Variants in TAFA4 observed in about 807,000 individuals in gnomAD.
TAFA4 encodes TAFA chemokine like family member 4.
A neutral mutation model predicts 21.1 loss-of-function variants in TAFA4; 20 were observed. The observed-to-expected ratio is 0.95, with a 90% confidence interval of 0.67 to 1.38. TAFA4 has a LOEUF of 1.38. Among genes scored for constraint, TAFA4 ranks in the 40% most tolerant of loss-of-function variants. The pLI, the probability that TAFA4 is intolerant of heterozygous loss-of-function variation, is 0.00. For missense variants in TAFA4, 211 were observed against 180.9 expected (o/e 1.17, Z -0.95); for synonymous variants, 71 against 67.4 (o/e 1.05, Z -0.26).
At chr3:68,873,912 C>T (rs557199584) in intron 3 of TAFA4, among the ~76,000 whole-genome samples, 1 of 152,160 alleles carries the variant, frequency 6.6e-6, no homozygotes, top group Non-Finnish European at 1.5e-5. Context: ...ATTCCCAGCC[C>T]TTTCCCAGGT....
In TAFA4 at chr3:68,897,738, C is replaced by T. The variant is rs188986924; in HGVS notation, c.-122-12428G>A. 2.1e-3 allele frequency among the ~76,000 whole-genome samples: 319 copies of T among 152,196 alleles called. 1 individual carries two copies. Among genetic ancestry groups the T allele is most frequent in the Non-Finnish European group, 3.7e-3 (252 of 68,020 alleles). On this transcript the variant is annotated intron_variant, in intron 1 of 5. Transcript: ENST00000295569. The stretch of plus-strand genomic sequence containing the variant: ...ATACACAAATAAATGAATATATCAA[C>T]AAGACACCACACACTAACCGGTCCA...
intron 3 of TAFA4, among the ~76,000 whole-genome samples, chr3:68,797,266 A>G (rs1436951179): frequency 6.6e-6 from 1 of 152,176 alleles, no homozygotes; most frequent in African/African-American, 2.4e-5. Flanking sequence ...TCAACCAATG[A>G]ATGAATAAAC....
At chr3:68,899,467 G>A (rs185809794) in intron 1 of TAFA4, among the ~76,000 whole-genome samples, 1 of 151,674 alleles carries the variant, frequency 6.6e-6, no homozygotes, top group Non-Finnish European at 1.5e-5. Flanking sequence ...TTCTTCCATG[G>A]TTTGACATCA....
intron 5 of TAFA4, among the ~76,000 whole-genome samples, chr3:68,733,759 C>T (rs746460488): frequency 6.6e-6 from 1 of 152,098 alleles, no homozygotes; most frequent in Non-Finnish European, 1.5e-5. Context: ...AAGCATAAGA[C>T]TTTAACATGC....
intron 1 of TAFA4, among the ~76,000 whole-genome samples, chr3:68,894,368 C>T (rs2089762908): frequency 1.3e-5 from 2 of 152,134 alleles, no homozygotes; most frequent in Non-Finnish European, 2.9e-5. Context: ...CCATGTTGCC[C>T]AGGCTGGTCT....
intron 5 of TAFA4, among the ~76,000 whole-genome samples, chr3:68,736,226 G>C (rs1407580667): frequency 6.6e-6 from 1 of 151,618 alleles, no homozygotes; most frequent in Non-Finnish European, 1.5e-5. Context: ...AAACTCTTTA[G>C]CTCACCGAAT....
chr3:68,805,179 C>T (rs966446943), intron 3 of TAFA4, among the ~76,000 whole-genome samples: 6 of 152,264 alleles, frequency 3.9e-5, no homozygotes, highest in South Asian at 2.1e-4. Flanking sequence ...AAGACATTTA[C>T]ACAGCCAAAA....
chr3:68,742,840 A>G (rs1192683959), intron 4 of TAFA4, among the ~76,000 whole-genome samples: 1 of 152,216 alleles, frequency 6.6e-6, no homozygotes, highest in Non-Finnish European at 1.5e-5. Context: ...CAAGCTCTTG[A>G]AGAGAGGCAG....
intron 3 of TAFA4, among the ~76,000 whole-genome samples, chr3:68,812,954 A>C (rs1309035766): frequency 6.6e-6 from 1 of 152,200 alleles, no homozygotes. Flanking sequence ...ATGTAAAAGA[A>C]CAGAAATTAT....
chr3:68,818,322 A>T (rs1198034081), intron 3 of TAFA4, among the ~76,000 whole-genome samples: 1 of 152,176 alleles, frequency 6.6e-6, no homozygotes, highest in East Asian at 1.9e-4. Flanking sequence ...TAGAGTGTTG[A>T]GGCTGGTTTG....
chr3:68,913,439 C>G (rs1043729111), intron 1 of TAFA4, among the ~76,000 whole-genome samples: 4 of 152,044 alleles, frequency 2.6e-5, no homozygotes, highest in Non-Finnish European at 5.9e-5. Flanking sequence ...CATCAGGGAA[C>G]AGAAAGGAGG....
chr3:68,800,980 T>G (rs1416060719), intron 3 of TAFA4, among the ~76,000 whole-genome samples: 1 of 152,234 alleles, frequency 6.6e-6, no homozygotes, highest in East Asian at 1.9e-4. Flanking sequence ...TGCCACCCCT[T>G]TGACTGCTCC....
chr3:68,915,555 ACT>A (rs1237088949), intron 1 of TAFA4, among the ~76,000 whole-genome samples: 5 of 152,166 alleles, frequency 3.3e-5, no homozygotes, highest in Non-Finnish European at 2.9e-5. Context: ...AGAAAATTTA[ACT>A]CTCAAAATGG....
At chr3:68,876,368 T>A (rs1039944232) in intron 3 of TAFA4, among the ~76,000 whole-genome samples, 1 of 152,194 alleles carries the variant, frequency 6.6e-6, no homozygotes, top group Non-Finnish European at 1.5e-5. Context: ...CTGTGTTAAG[T>A]ACAATTCATT....
intron 3 of TAFA4, among the ~76,000 whole-genome samples, chr3:68,879,773 A>T (rs551664682): frequency 1.3e-5 from 2 of 152,318 alleles, no homozygotes; most frequent in Non-Finnish European, 2.9e-5. Context: ...ATGACATGTT[A>T]TATATTTGGT....
chr3:68,872,552 T>A (rs769974022), intron 3 of TAFA4, among the ~76,000 whole-genome samples: 8 of 152,060 alleles, frequency 5.3e-5, no homozygotes, highest in Non-Finnish European at 2.9e-5. Context: ...AGAAGAGGAA[T>A]CACAATATTC....
intron 3 of TAFA4, among the ~76,000 whole-genome samples, chr3:68,842,983 C>T (rs546458378): frequency 4.6e-5 from 7 of 152,204 alleles, no homozygotes; most frequent in South Asian, 2.1e-4. Context: ...CCTCCAGCTT[C>T]GTTCTTTTCA....
chr3:68,783,340 G>C (rs1703184545), intron 3 of TAFA4, among the ~76,000 whole-genome samples: 1 of 152,082 alleles, frequency 6.6e-6, no homozygotes, highest in African/African-American at 2.4e-5. Flanking sequence ...CAGATTACAT[G>C]GTCATTCATG....
At chr3:68,745,602 C>T (rs1014108022) in intron 4 of TAFA4, among the ~76,000 whole-genome samples, 10 of 152,124 alleles carry the variant, frequency 6.6e-5, no homozygotes, top group Non-Finnish European at 1.3e-4. Context: ...ATGCTGTTGT[C>T]GAGGTGAAAA....
Sources: gnomAD v4.1 joint callset for allele counts (sites outside exome capture counted in the v4.1 genomes callset) on GRCh38, gnomAD v4.1.1 for gene constraint, MANE v1.5 for transcripts, NCBI Gene and HGNC (gene_info 2026-07-23, HGNC 2026-07-21) for gene names.